PHACTR4: variants seen among roughly 807,000 people sequenced by gnomAD.
PHACTR4 encodes the protein phosphatase and actin regulator 4, also known as protein phosphatase 1, regulatory subunit 124.
Under a neutral mutation model 72.7 loss-of-function variants are expected in PHACTR4, and 51 were observed. The ratio of observed to expected loss-of-function variants is 0.70; its 90% CI spans 0.56 to 0.89. The LOEUF is 0.89. PHACTR4 is among the 40% of genes least tolerant of loss of function. The pLI, the probability that PHACTR4 is intolerant of heterozygous loss-of-function variation, is 0.00. For missense variants in PHACTR4, 731 were observed against 861.8 expected (o/e 0.85, Z 1.90); for synonymous variants, 255 against 302.5 (o/e 0.84, Z 1.63).
At chr1:28,391,898 C>T (rs776487979) in intron 1 of PHACTR4, among the ~76,000 whole-genome samples, 4 of 152,080 alleles carry the variant, frequency 2.6e-5, no homozygotes, top group South Asian at 2.1e-4. Flanking sequence ...TGAGCCACCA[C>T]GCCCGGCCAC....
chr1:28,479,444 A>G (rs1660130474), intron 8 of PHACTR4, among the ~76,000 whole-genome samples: 1 of 149,876 alleles, frequency 6.7e-6, no homozygotes, highest in Admixed American at 6.7e-5. Flanking sequence ...AAAGCCAGGC[A>G]TGGTGACAGG....
At chr1:28,479,427 A>T (rs1660128723) in intron 8 of PHACTR4, among the ~76,000 whole-genome samples, 1 of 150,482 alleles carries the variant, frequency 6.6e-6, no homozygotes, top group Admixed American at 6.6e-5. Flanking sequence ...CGCAAAAAAA[A>T]AAAAAAAAAG....
rs1486044359 is a variant in PHACTR4, at chr1:28,458,097, GGTGTGTGTGTTTGTGTGT to G, written c.17-977_17-960del. Among the ~76,000 whole-genome samples the G allele has an allele frequency of 3.9e-3, 525 of 135,300 alleles. 7 individuals carry two copies. Among genetic ancestry groups the G allele is most frequent in the African/African-American group, 0.013 (466 of 36,622 alleles). The allele number at this position is 135,300 out of a possible 152,430, so 88.8% of individuals were successfully genotyped here. A position where few individuals can be genotyped will look rare whatever the true frequency, so the allele number is the denominator to read the frequency against. On this transcript the variant is annotated intron_variant, in intron 2 of 13. Coordinates refer to ENST00000373839, the MANE Select transcript of PHACTR4 (RefSeq NM_001048183.3). ...TTTTATGTCAAATCCTTAATATTAT[GGTGTGTGTGTTTGTGTGT>G]GTGTGTGTGTGTGTGTGTGTGTGTG...
intron 1 of PHACTR4, among the ~76,000 whole-genome samples, chr1:28,385,158 G>A (rs1652461981): frequency 6.6e-6 from 1 of 152,206 alleles, no homozygotes; most frequent in South Asian, 2.1e-4. Flanking sequence ...CACTGCCTTA[G>A]CTGTGTCCCA....
intron 4 of PHACTR4, among the ~76,000 whole-genome samples, chr1:28,465,244 G>A (rs975835836): frequency 4.6e-5 from 7 of 152,018 alleles, no homozygotes; most frequent in African/African-American, 9.7e-5. Flanking sequence ...GGCAGATCAC[G>A]AGGTCAGGAG....
At chr1:28,492,948 A>G (rs1661127004) in intron 12 of PHACTR4, 67 bp from the exon 13 acceptor site, 3 of 1,404,812 alleles carry the variant, frequency 2.1e-6, no homozygotes, top group African/African-American at 1.4e-5. Flanking sequence ...GTACAGAAAA[A>G]TGACAAGTTA....
intron 2 of PHACTR4, among the ~76,000 whole-genome samples, chr1:28,431,165 C>T (rs1483060469): frequency 9.7e-5 from 13 of 133,844 alleles, no homozygotes; most frequent in Admixed American, 2.4e-4. Context: ...GGCCACAGAG[C>T]GAGACTCCAT....
At chr1:28,447,961 C>A (rs566500226) in intron 2 of PHACTR4, among the ~76,000 whole-genome samples, 1 of 151,906 alleles carries the variant, frequency 6.6e-6, no homozygotes, top group Non-Finnish European at 1.5e-5. Context: ...GTAATTTTGC[C>A]GAAGTTTTCT....
chr1:28,426,092 G>T (rs912173720), intron 2 of PHACTR4, among the ~76,000 whole-genome samples: 1 of 152,052 alleles, frequency 6.6e-6, no homozygotes, highest in Non-Finnish European at 1.5e-5. Context: ...GTAGTGGCAG[G>T]CGCCTGTAAT....
intron 2 of PHACTR4, among the ~76,000 whole-genome samples, chr1:28,448,780 A>AAAAAAAAAAC (rs1553195455): frequency 1.5e-5 from 2 of 134,388 alleles, no homozygotes; most frequent in African/African-American, 6.8e-5. Flanking sequence ...AAAAAAAAAA[A>AAAAAAAAAAC]AAAAACCTGA....
rs772099877 is a variant in PHACTR4 at position 28,474,071 on chromosome 1, A to G, written c.1341A>G (p.Glu447=). 3 of 1,614,042 alleles carry G rather than the reference A, an allele frequency of 1.9e-6. No homozygotes were observed. The East Asian group carries it at 6.7e-5, about 36-fold the overall frequency. Reference sequence around the variant, plus strand: ...ACAGAGCTCATTCGTTGCTTTTTGAAAACAGTGACAGCTTTTCTGAGGACA... The same window carrying G: ...ACAGAGCTCATTCGTTGCTTTTTGAGAACAGTGACAGCTTTTCTGAGGACA... The part of the protein sequence containing the change: ...GSHRAHSLLF[E]NSDSFSEDSS... The change falls in exon 7 of 14, where the codon GAA becomes GAG. Residue 447 remains glutamate (E), a synonymous_variant. Transcript: ENST00000373839.
In PHACTR4 at chr1:28,422,903, C is replaced by T. The variant is rs368375475; in HGVS notation, c.16+15440C>T. ...CCGGGTTCAAGCAATTCTCCTGCCT[C>T]AGCCTCCCAAGTAGCTGGGACTACC... is the stretch of plus-strand genomic sequence containing the variant. On this transcript the variant is annotated intron_variant, in intron 2 of 13. Coordinates refer to ENST00000373839, the MANE Select transcript of PHACTR4 (RefSeq NM_001048183.3). Among the ~76,000 whole-genome samples the T allele has an allele frequency of 7.2e-5, 11 of 152,340 alleles. No individual in the cohort carries two copies. In the South Asian group the frequency reaches 8.3e-4, roughly 11 times the overall value.
At chr1:28,406,693 A>G (rs1043833017) in intron 1 of PHACTR4, among the ~76,000 whole-genome samples, 1 of 152,170 alleles carries the variant, frequency 6.6e-6, no homozygotes, top group African/African-American at 2.4e-5. Flanking sequence ...ACTGTTAGGG[A>G]ATGACCTTAG....
intron 2 of PHACTR4, among the ~76,000 whole-genome samples, chr1:28,419,050 T>TTTTTTTTTTTTTTTTTTTTTGAG (rs1210043704): frequency 2.0e-4 from 29 of 147,218 alleles, no homozygotes; most frequent in Middle Eastern, 3.6e-3. Flanking sequence ...GATTTTTTTC[T>TTTTTTTTTTTTTTTTTTTTTGAG]AGGGAAGTTT....
At chr1:28,480,752 G>A (rs1029058724) in intron 9 of PHACTR4, 148 bp downstream of exon 9, 8 of 1,032,994 alleles carry the variant, frequency 7.7e-6, no homozygotes, top group Middle Eastern at 4.9e-4. Context: ...GTAGTGGCGC[G>A]ATCTCGGCTC....
chr1:28,369,760 AC>A lies in PHACTR4; in HGVS notation c.-103del, dbSNP rs1218490814. ...GGCTCCGGCTGCTGCCTGGCGGCCA[AC>A]GGGCCAGGTAGGATTTCCGGGAGAG... On this transcript the variant is annotated 5_prime_UTR_variant, in exon 1 of 14. Transcript: ENST00000373839. 1 of 446,792 alleles carries A rather than the reference AC, an allele frequency of 2.2e-6. No individual in the cohort carries two copies. The highest frequency in any genetic ancestry group is 4.5e-6 in the Non-Finnish European group (1 of 224,080). 27.7% of individuals were successfully genotyped at this position (446,792 alleles called of 1,614,324 possible).
chr1:28,384,954 T>C (rs904464193), intron 1 of PHACTR4, among the ~76,000 whole-genome samples: 1 of 152,172 alleles, frequency 6.6e-6, no homozygotes, highest in Non-Finnish European at 1.5e-5. Context: ...CCTGGATTTG[T>C]TGATCTTCTG....
intron 6 of PHACTR4, among the ~76,000 whole-genome samples, chr1:28,468,455 G>C (rs1226757124): frequency 1.3e-5 from 2 of 152,046 alleles, no homozygotes; most frequent in Non-Finnish European, 2.9e-5. Flanking sequence ...AGCCGGGCAT[G>C]GTGGTAGGCA....
intron 10 of PHACTR4, chr1:28,489,957 A>C: frequency 5.9e-6 from 3 of 508,732 alleles, no homozygotes. Flanking sequence ...CGTATCACAC[A>C]AAACTCAGTG....
Sources: gnomAD v4.1 joint callset for allele counts (sites outside exome capture counted in the v4.1 genomes callset) on GRCh38, gnomAD v4.1.1 for gene constraint, MANE v1.5 for transcripts, NCBI Gene and HGNC (gene_info 2026-07-23, HGNC 2026-07-21) for gene names.